The following TJP3 variants were observed in gnomAD, a reference collection of about 807,000 sequenced individuals.
TJP3 encodes tight junction protein 3, also known as tight junction protein ZO-3.
Under a neutral mutation model 104.2 loss-of-function variants are expected in TJP3, and 85 were observed. That is an observed-to-expected ratio of 0.82 (90% CI 0.68 to 0.98). The LOEUF (loss-of-function observed/expected upper bound fraction) is 0.98. Ranked by LOEUF, TJP3 falls within the 50% of genes least tolerant of loss-of-function variation. The probability of loss-of-function intolerance (pLI) is 0.00; values close to 1 mark genes in which losing one functional copy is unlikely to be tolerated. For missense variants in TJP3, 1,367 were observed against 1,322.8 expected (o/e 1.03, Z -0.52); for synonymous variants, 550 against 550.6 (o/e 1.00, Z 0.02).
chr19:3,712,068 C>T (rs2036439485), intron 1 of TJP3, among the ~76,000 whole-genome samples: 1 of 152,092 alleles, frequency 6.6e-6, no homozygotes. Flanking sequence ...GTAATCCCAG[C>T]ATTTTGGGAG....
intron 1 of TJP3, among the ~76,000 whole-genome samples, chr19:3,727,068 CAG>C (rs2036604901): frequency 6.6e-6 from 1 of 151,440 alleles, no homozygotes; most frequent in Admixed American, 6.6e-5. Flanking sequence ...GCCTGAGTGA[CAG>C]AGACCCTGTC....
At chr19:3,719,960 G>A (rs185555030) in intron 1 of TJP3, among the ~76,000 whole-genome samples, 1 of 152,216 alleles carries the variant, frequency 6.6e-6, no homozygotes, top group East Asian at 1.9e-4. Context: ...TGCCCAGCCT[G>A]GTCTCAAACT....
At position 3,746,116 on chromosome 19, in the gene TJP3, G is replaced by A; in HGVS notation, c.2010+35G>A. On this transcript the variant is annotated intron_variant, in intron 16 of 20. Transcript: ENST00000541714. The surrounding 1 kb of genome is among the most constrained non-coding windows in gnomAD (Gnocchi z 4.1). ...GTCCTGCTACGGGTCCCATTTCATG[G>A]ATGGGGGAAACCGAGGCCTGGGCAT... is the stretch of plus-strand genomic sequence containing the variant. The A allele has an allele frequency of 2.5e-6, 4 of 1,577,768 alleles. No homozygotes were observed. Among genetic ancestry groups the A allele is most frequent in the Non-Finnish European group, 3.5e-6 (4 of 1,158,050 alleles).
At chr19:3,716,129 G>A (rs1471307445) in intron 1 of TJP3, among the ~76,000 whole-genome samples, 11 of 142,822 alleles carry the variant, frequency 7.7e-5, no homozygotes, top group African/African-American at 2.5e-5. Context: ...CTGGAGTGCA[G>A]TGGCGCCATC....
chr19:3,717,029 G>C (rs1253980789), intron 1 of TJP3, among the ~76,000 whole-genome samples: 2 of 141,786 alleles, frequency 1.4e-5, no homozygotes, highest in African/African-American at 5.0e-5. Context: ...GCAATGGCCC[G>C]ATTTCGGCTC....
intron 1 of TJP3, among the ~76,000 whole-genome samples, chr19:3,709,242 C>G (rs908858398): frequency 6.6e-6 from 1 of 152,036 alleles, no homozygotes; most frequent in Non-Finnish European, 1.5e-5. Context: ...ATTACAAGCG[C>G]CCACCACTAT....
intron 1 of TJP3, among the ~76,000 whole-genome samples, chr19:3,725,960 G>A (rs1320186012): frequency 6.6e-6 from 1 of 152,194 alleles, no homozygotes; most frequent in Non-Finnish European, 1.5e-5. Flanking sequence ...GCAGAGCCCT[G>A]CCCTCTGCTC....
In TJP3 at chr19:3,719,643, G is replaced by C. The variant is rs1599144545; in HGVS notation, c.-9-8781G>C. Reference sequence around the variant, plus strand: ...CCCAGCTACTCGGGAGGCTGAGGCAGGAGAATGACGGGAACCCGGGAGGCG... The same window carrying C: ...CCCAGCTACTCGGGAGGCTGAGGCACGAGAATGACGGGAACCCGGGAGGCG... On this transcript the variant is annotated intron_variant, in intron 1 of 20. Coordinates refer to ENST00000541714, the MANE Select transcript of TJP3 (RefSeq NM_001267560.2). Among the ~76,000 whole-genome samples the C allele has an allele frequency of 2.0e-5, 3 of 150,272 alleles. No individual in the cohort carries two copies. In the South Asian group the frequency reaches 6.3e-4, roughly 32 times the overall value.
At chr19:3,745,899 G>A (rs1322248761) in intron 15 of TJP3, 112 bp from the exon 16 acceptor site, 1 of 857,526 alleles carries the variant, frequency 1.2e-6, no homozygotes, top group African/African-American at 1.7e-5. Flanking sequence ...TTTCTCTCCA[G>A]GGCAATGGGG....
Position 3,748,068 on chromosome 19 carries a change from A to C in TJP3, c.2597A>C (p.His866Pro), listed in dbSNP as rs1256946714. ...AGGGATCGTGGGAGAATCTCGGCTC[A>C]TCAGGGGGCCCAGGTGCGTCGGACA... ...SPRDRGRISAHQGAQVDSRHP... is the reference protein window; with the variant it reads ...SPRDRGRISAPQGAQVDSRHP... The change falls in exon 19 of 21, where the codon CAT becomes CCT. Residue 866 changes from histidine to proline, a missense_variant. Physicochemically the swap from His to Pro is moderately conservative, Grantham distance 77. Transcript: ENST00000541714. The C allele has an allele frequency of 6.4e-7, 1 of 1,571,670 alleles. No homozygotes were observed. The highest frequency in any genetic ancestry group is 8.6e-7 in the Non-Finnish European group (1 of 1,158,324).
chr19:3,711,672 C>T (rs12462545), intron 1 of TJP3, among the ~76,000 whole-genome samples: 96,992 of 136,626 alleles, frequency 0.71, 34,818 homozygotes, highest in East Asian at 1. Context: ...ACGGGTGGAT[C>T]ACGAGGTCAG....
rs1457424459 is a variant in TJP3 at position 3,746,690 on chromosome 19, T to C, written c.2216T>C (p.Phe739Ser). 6.2e-7 allele frequency: 1 copy of C among 1,610,818 alleles called. No individual in the cohort carries two copies. The highest frequency in any genetic ancestry group is 8.5e-7 in the Non-Finnish European group (1 of 1,178,684). The change falls in exon 17 of 21, where the codon TTC becomes TCC. Residue 739 changes from phenylalanine (F) to serine (S), a missense_variant. Phe to Ser is a radical substitution (Grantham distance 155). Coordinates refer to ENST00000541714, the MANE Select transcript of TJP3 (RefSeq NM_001267560.2). The surrounding 1 kb of genome is among the most constrained non-coding windows in gnomAD (Gnocchi z 4.1). ...CTGCGAAAACACAGCAGCCACCTCT[T>C]CACAGGTTGGGGGGTGGGTGTCCCA... ...QKLRKHSSHL[F>S]TATIPLNGTS...
chr19:3,748,428 T>C (rs1490414529), intron 19 of TJP3, among the ~76,000 whole-genome samples: 1 of 151,410 alleles, frequency 6.6e-6, no homozygotes, highest in Non-Finnish European at 1.5e-5. Context: ...CCTGCCACCA[T>C]GCCCGGCTAA....
At chr19:3,728,257 A>T in intron 1 of TJP3, 167 bp from the exon 2 acceptor site, 1 of 1,146,810 alleles carries the variant, frequency 8.7e-7, no homozygotes. Context: ...GAAACAAAAC[A>T]AAAAAACAAA....
At chr19:3,713,789 C>T (rs946399075) in intron 1 of TJP3, among the ~76,000 whole-genome samples, 3 of 151,940 alleles carry the variant, frequency 2.0e-5, no homozygotes, top group Non-Finnish European at 4.4e-5. Context: ...GATCTCGGCT[C>T]ACTGCAACCT....
intron 1 of TJP3, 150 bp from the exon 2 acceptor site, chr19:3,728,274 A>G: frequency 8.0e-7 from 1 of 1,257,478 alleles, no homozygotes; most frequent in Admixed American, 2.7e-5. Flanking sequence ...CAAACAAAAA[A>G]ACCTGAGGCC....
chr19:3,722,424 C>T (rs1045638218), intron 1 of TJP3, among the ~76,000 whole-genome samples: 7 of 152,056 alleles, frequency 4.6e-5, no homozygotes, highest in Admixed American at 3.3e-4. Context: ...CATTTGGGGG[C>T]TGGGGTGGCT....
rs551071457 is a variant in TJP3, at chr19:3,747,949, G to A, written c.2478G>A (p.Glu826=). ...YTDGEGYTDG[E]GGPYTDVDDE... is the part of the protein sequence containing the mutation. ...ATGGCGAGGGCTACACAGACGGCGA[G>A]GGGGGGCCCTACACGGATGTGGATG... is the stretch of plus-strand genomic sequence containing the variant. The change falls in exon 19 of 21, where the codon GAG becomes GAA. Residue 826 remains glutamate (E), a synonymous_variant. Coordinates refer to ENST00000541714, the MANE Select transcript of TJP3 (RefSeq NM_001267560.2). 4.0e-5 allele frequency: 65 copies of A among 1,612,644 alleles called. No homozygotes were observed. The highest frequency in any genetic ancestry group is 4.2e-5 in the Non-Finnish European group (49 of 1,179,770).
Position 3,736,199 on chromosome 19 carries a change from A to G in TJP3, c.1162A>G (p.Lys388Glu). 1 of 1,599,308 alleles carries G rather than the reference A, an allele frequency of 6.3e-7. No individual in the cohort carries two copies. The highest frequency in any genetic ancestry group is 8.5e-7 in the Non-Finnish European group (1 of 1,172,600). The change falls in exon 11 of 21, where the codon AAG becomes GAG. Residue 388 changes from lysine (K) to glutamate (E), a missense_variant. Transcript: ENST00000541714. ...SPDTRVVRFL[K>E]GKSIGLRLAG... ...CGACACGCGTGTGGTCCGCTTCCTC[A>G]AGGGCAAGAGCATCGGGCTGCGGCT...
Sources: allele counts gnomAD v4.1 joint callset (sites outside exome capture counted in the v4.1 genomes callset), GRCh38; gene constraint gnomAD v4.1.1; non-coding constraint Gnocchi (gnomAD v3.1); transcripts MANE v1.5; gene names NCBI Gene and HGNC (gene_info 2026-07-23, HGNC 2026-07-21).